The following CLEC16A variants were observed in gnomAD, a reference collection of about 807,000 sequenced individuals.
CLEC16A encodes C-type lectin domain containing 16A.
A neutral mutation model predicts 109.5 loss-of-function variants in CLEC16A; 51 were observed. The ratio of observed to expected loss-of-function variants is 0.47; its 90% CI spans 0.37 to 0.59. CLEC16A has a LOEUF of 0.59. Ranked by LOEUF, CLEC16A falls within the 20% of genes least tolerant of loss-of-function variation. CLEC16A has a pLI of 0.00. For synonymous variants in CLEC16A, 673 were observed against 564.2 expected (o/e 1.19, Z -2.73); for missense variants, 1,339 against 1,394.0 (o/e 0.96, Z 0.63).
intron 19 of CLEC16A, among the ~76,000 whole-genome samples, chr16:11,117,184 G>C (rs2052056699): frequency 6.6e-6 from 1 of 152,168 alleles, no homozygotes; most frequent in Non-Finnish European, 1.5e-5. Flanking sequence ...CAAAGGCAGG[G>C]GGGTGACAGG....
At chr16:11,109,637 G>C (rs1230138200) in intron 19 of CLEC16A, among the ~76,000 whole-genome samples, 1 of 152,194 alleles carries the variant, frequency 6.6e-6, no homozygotes, top group African/African-American at 2.4e-5. Context: ...AACAAGTCAG[G>C]CTGGATGGGT....
intron 18 of CLEC16A, chr16:11,056,476 G>A (rs1156952267): frequency 1.3e-5 from 2 of 152,228 alleles, no homozygotes; most frequent in East Asian, 3.8e-4. Flanking sequence ...AGAGAAAAGA[G>A]AGTTAGGAAT....
chr16:11,092,597 C>G (rs756854817), intron 19 of CLEC16A, among the ~76,000 whole-genome samples: 1 of 152,320 alleles, frequency 6.6e-6, no homozygotes, highest in East Asian at 1.9e-4. Context: ...GCAGGCATTT[C>G]CAGCATTTCC....
chr16:11,036,173 C>T (rs77311130), intron 13 of CLEC16A: 121 of 152,484 alleles, frequency 7.9e-4, no homozygotes, highest in Non-Finnish European at 1.0e-3. Context: ...TCAGCCAGGG[C>T]ACAACCAGAT....
In CLEC16A at chr16:11,120,745, C is replaced by A; in HGVS notation, c.2247C>A (p.Val749=). 6.4e-7 allele frequency: 1 copy of A among 1,568,328 alleles called. No individual in the cohort carries two copies. Among genetic ancestry groups the A allele is most frequent in the South Asian group, 1.2e-5 (1 of 85,286 alleles). Residue 749 remains valine (V), a synonymous_variant, in exon 20 of 24, where the codon GTC becomes GTA. Coordinates refer to ENST00000409790, the MANE Select transcript of CLEC16A (RefSeq NM_015226.3). ...TGTCCAGGCTTGGCTGGGGAGTGGT[C>A]AAGTTTGCAGGCCTATTGCAGGTAA... The part of the protein sequence containing the change: ...PDVSRLGWGV[V]KFAGLLQDMQ...
chr16:11,065,028 G>A (rs887864), intron 19 of CLEC16A, among the ~76,000 whole-genome samples: 97,505 of 152,010 alleles, frequency 0.64, 31,459 homozygotes, highest in East Asian at 0.82. Context: ...GTCATTGCTC[G>A]GATGATGGCA....
chr16:11,072,184 C>T (rs940301924), intron 19 of CLEC16A, among the ~76,000 whole-genome samples: 14 of 152,156 alleles, frequency 9.2e-5, no homozygotes, highest in Non-Finnish European at 2.1e-4. Context: ...TGCAGTGGCA[C>T]AGTCTTGGCT....
chr16:11,099,102 T>TGAGCCAA (rs111306289), intron 19 of CLEC16A, among the ~76,000 whole-genome samples: 68,286 of 151,524 alleles, frequency 0.45, 15,538 homozygotes, highest in African/African-American at 0.53. Context: ...CCAGGCTGAG[T>TGAGCCAA]GAGCCAAGAG....
At chr16:11,059,469 A>C (rs2048370656) in intron 18 of CLEC16A, among the ~76,000 whole-genome samples, 1 of 152,180 alleles carries the variant, frequency 6.6e-6, no homozygotes, top group Non-Finnish European at 1.5e-5. Context: ...AAGGTCTCCC[A>C]CTGGTTAGGG....
At chr16:11,109,261 C>G (rs911753556) in intron 19 of CLEC16A, among the ~76,000 whole-genome samples, 1 of 151,686 alleles carries the variant, frequency 6.6e-6, no homozygotes, top group Non-Finnish European at 1.5e-5. Context: ...GAACTCCAGG[C>G]TCAAGCTATC....
rs552687607 is a variant in CLEC16A at position 11,067,357 on chromosome 16, G to T, written c.2116+6335G>T. On this transcript the variant is annotated intron_variant, in intron 19 of 23. Transcript: ENST00000409790. ...TCCTGTTCTAAGAGCAGGTGACGGG[G>T]TTTAACCTGGCTGGAGGTCAGGGAG... Among the ~76,000 whole-genome samples the T allele has an allele frequency of 8.1e-4, 123 of 151,786 alleles. 1 individual carries two copies. The highest frequency in any genetic ancestry group is 4.3e-4 in the Non-Finnish European group (29 of 67,896).
chr16:11,131,895 A>G (rs2053231238), intron 22 of CLEC16A, among the ~76,000 whole-genome samples: 1 of 152,118 alleles, frequency 6.6e-6, no homozygotes, highest in Admixed American at 6.5e-5. Flanking sequence ...GTGCCTCACC[A>G]GGGCCAAGTG....
intron 1 of CLEC16A, among the ~76,000 whole-genome samples, chr16:10,950,758 G>T (rs2041686997): frequency 6.6e-6 from 1 of 152,306 alleles, no homozygotes; most frequent in East Asian, 1.9e-4. Flanking sequence ...ACAGATACAG[G>T]CTCTGTGTCT....
chr16:11,053,690 G>A (rs1027201652), intron 18 of CLEC16A, among the ~76,000 whole-genome samples: 1 of 152,158 alleles, frequency 6.6e-6, no homozygotes, highest in Non-Finnish European at 1.5e-5. Flanking sequence ...AGAAATTGAT[G>A]CATGGAGAGG....
At chr16:10,964,253 A>C (rs1400417122) in intron 3 of CLEC16A, among the ~76,000 whole-genome samples, 3 of 152,206 alleles carry the variant, frequency 2.0e-5, no homozygotes, top group Non-Finnish European at 2.9e-5. Flanking sequence ...GCAAGTTGAC[A>C]AATGTGGGCC....
chr16:11,154,016 T>C (rs1046323097), intron 22 of CLEC16A, among the ~76,000 whole-genome samples: 3 of 152,180 alleles, frequency 2.0e-5, no homozygotes, highest in African/African-American at 7.2e-5. Context: ...TTGTTGAAGC[T>C]ACCGATTTTG....
intron 23 of CLEC16A, among the ~76,000 whole-genome samples, chr16:11,169,691 A>T (rs1461603681): frequency 6.6e-6 from 1 of 152,172 alleles, no homozygotes; most frequent in African/African-American, 2.4e-5. Flanking sequence ...GCTCTAGCCC[A>T]CGGTTTTGAA....
chr16:11,167,130 A>G lies in CLEC16A; in HGVS notation c.2806+578A>G, dbSNP rs199598221. 3.3e-5 allele frequency among the ~76,000 whole-genome samples: 5 copies of G among 152,128 alleles called. No individual in the cohort carries two copies. The East Asian group carries it at 9.6e-4, about 29-fold the overall frequency. ...TGGGAGCCCCTGGAGTCAGCCTGGA[A>G]TGGGACATGCACCAGCTCCTCGTTC... On this transcript the variant is annotated intron_variant, in intron 23 of 23. Transcript: ENST00000409790.
At position 10,944,581 on chromosome 16, in the gene CLEC16A, C is replaced by A. The variant is rs1453771613; in HGVS notation, c.-137C>A. 1 of 823,512 alleles carries A rather than the reference C, an allele frequency of 1.2e-6. No individual in the cohort carries two copies. Among genetic ancestry groups the A allele is most frequent in the East Asian group, 2.7e-5 (1 of 36,886 alleles). 51.0% of individuals were successfully genotyped at this position (823,512 alleles called of 1,614,324 possible). On this transcript the variant is annotated 5_prime_UTR_variant, in exon 1 of 24. Coordinates refer to ENST00000409790, the MANE Select transcript of CLEC16A (RefSeq NM_015226.3). ...TGAATGTCAGTGCTGGGCTGTGGGCCGGGGAGGAAGGCGGCTCGCGGTTCC... is the reference window on the plus strand; with the variant it reads ...TGAATGTCAGTGCTGGGCTGTGGGCAGGGGAGGAAGGCGGCTCGCGGTTCC...
Sources: allele counts gnomAD v4.1 joint callset (sites outside exome capture counted in the v4.1 genomes callset), GRCh38; gene constraint gnomAD v4.1.1; transcripts MANE v1.5; gene names NCBI Gene and HGNC (gene_info 2026-07-23, HGNC 2026-07-21).